Variants in RANBP2 observed in about 807,000 individuals in gnomAD.
RANBP2 encodes the protein E3 SUMO-protein ligase RanBP2.
Under a neutral mutation model 303.6 loss-of-function variants are expected in RANBP2, and 57 were observed. The ratio of observed to expected loss-of-function variants is 0.19; its 90% CI spans 0.15 to 0.23. RANBP2 has a LOEUF of 0.23. Among genes scored for constraint, RANBP2 ranks in the 10% least tolerant of loss-of-function variants. The pLI is 1.00. For synonymous variants in RANBP2, 1,167 were observed against 1,301.5 expected, an observed-to-expected ratio of 0.90 and a Z score of 2.23; for missense variants, 3,138 against 3,780.8, an observed-to-expected ratio of 0.83 and a Z score of 4.46.
chr2:109,431,275 A>G, the RANBP2 span, among the ~76,000 whole-genome samples: 1 of 152,192 alleles, frequency 6.6e-6, no homozygotes, highest in African/African-American at 2.4e-5. Flanking sequence ...TGTGAGGTCC[A>G]CCAGATCACT....
the RANBP2 span, chr2:108,839,283 G>C: frequency 6.2e-7 from 1 of 1,611,596 alleles, no homozygotes; most frequent in Non-Finnish European, 8.5e-7. Context: ...CCCTAAGGCA[G>C]CTAGATGCTG....
At chr2:109,170,217 TTTTTCTCTTCTCTTCTCTTCTTTTC>T in the RANBP2 span, among the ~76,000 whole-genome samples, 576 of 150,758 alleles carry the variant, frequency 3.8e-3, 15 homozygotes, top group African/African-American at 0.012. Context: ...TTCTCTCTCT[TTTTTCTCTTCTCTTCTCTTCTTTTC>T]TTTTCTCTTC....
the RANBP2 span, among the ~76,000 whole-genome samples, chr2:108,962,696 A>G: frequency 1.5e-3 from 227 of 148,310 alleles, 17 homozygotes; most frequent in Middle Eastern, 3.4e-3. Flanking sequence ...AAAAAAAAAA[A>G]AAAAAGAGAG....
chr2:109,527,643 G>T, the RANBP2 span, among the ~76,000 whole-genome samples: 1 of 152,152 alleles, frequency 6.6e-6, no homozygotes, highest in Non-Finnish European at 1.5e-5. Flanking sequence ...TTTTAGTCAC[G>T]TCAGGTGTTA....
the RANBP2 span, among the ~76,000 whole-genome samples, chr2:109,557,683 AAGG>A: frequency 6.6e-6 from 1 of 152,192 alleles, no homozygotes; most frequent in Non-Finnish European, 1.5e-5. Context: ...TATTTTTCAA[AAGG>A]TGGTAAAGAA....
the RANBP2 span, among the ~76,000 whole-genome samples, chr2:109,560,078 G>A: frequency 1.3e-5 from 2 of 151,862 alleles, no homozygotes; most frequent in South Asian, 4.2e-4. Context: ...CCGCCACCAC[G>A]CCCAGCTAAT....
chr2:109,485,058 A>G, the RANBP2 span, among the ~76,000 whole-genome samples: 1 of 152,256 alleles, frequency 6.6e-6, no homozygotes, highest in Non-Finnish European at 1.5e-5. Flanking sequence ...CAGCATGTGC[A>G]GGGTTCTGCA....
the RANBP2 span, among the ~76,000 whole-genome samples, chr2:109,061,662 T>A: frequency 6.6e-6 from 1 of 152,202 alleles, no homozygotes; most frequent in South Asian, 2.1e-4. Context: ...AGAAAAATAT[T>A]CCTCAGTTCA....
At chr2:109,574,315 A>G in the RANBP2 span, among the ~76,000 whole-genome samples, 1 of 151,780 alleles carries the variant, frequency 6.6e-6, no homozygotes, top group South Asian at 2.1e-4. Flanking sequence ...GTGTGGTAGT[A>G]CATGCCTATA....
the RANBP2 span, among the ~76,000 whole-genome samples, chr2:109,154,420 A>G: frequency 6.6e-6 from 1 of 152,206 alleles, no homozygotes; most frequent in Non-Finnish European, 1.5e-5. Flanking sequence ...ATTGTCTGCC[A>G]GTGTTGAAGC....
the RANBP2 span, among the ~76,000 whole-genome samples, chr2:108,926,930 T>C: frequency 6.6e-6 from 1 of 152,146 alleles, no homozygotes; most frequent in Non-Finnish European, 1.5e-5. Context: ...TGACACAGCG[T>C]GACAGCCTCG....
the RANBP2 span, among the ~76,000 whole-genome samples, chr2:108,853,976 A>T: frequency 1.1e-5 from 1 of 90,816 alleles, no homozygotes; most frequent in African/African-American, 4.3e-5. Flanking sequence ...AAATATATAT[A>T]ATATATAATA....
the RANBP2 span, among the ~76,000 whole-genome samples, chr2:109,149,049 C>A: frequency 6.6e-6 from 1 of 152,186 alleles, no homozygotes; most frequent in Non-Finnish European, 1.5e-5. Flanking sequence ...TTCATTTGCT[C>A]TTTCCTTCCT....
chr2:109,347,865 A>T, the RANBP2 span: 1 of 1,613,482 alleles, frequency 6.2e-7, no homozygotes, highest in South Asian at 1.1e-5. Context: ...AGCCCTTGCC[A>T]CACGCCCCGC....
chr2:109,055,972 C>T, the RANBP2 span, among the ~76,000 whole-genome samples: 2 of 151,892 alleles, frequency 1.3e-5, no homozygotes, highest in African/African-American at 2.4e-5. Context: ...CTTGGCCAGG[C>T]TGGTCTTGAA....
the RANBP2 span, chr2:109,432,552 G>A: frequency 1.2e-6 from 2 of 1,613,674 alleles, no homozygotes; most frequent in Non-Finnish European, 8.5e-7. Context: ...AGCTGGAGCT[G>A]CACAAGGGAG....
chr2:109,145,378 G>A, the RANBP2 span, among the ~76,000 whole-genome samples: 1 of 152,148 alleles, frequency 6.6e-6, no homozygotes, highest in African/African-American at 2.4e-5. Flanking sequence ...TGTGAGCCCT[G>A]CCCCTCTCTT....
chr2:108,732,960 A>G (rs1695292190), intron 4 of RANBP2, among the ~76,000 whole-genome samples: 1 of 152,042 alleles, frequency 6.6e-6, no homozygotes, highest in Admixed American at 6.6e-5. Context: ...GGTAGCTGGG[A>G]CTACAGGCAC....
At chr2:109,630,653 C>T in the RANBP2 span, among the ~76,000 whole-genome samples, 1 of 152,202 alleles carries the variant, frequency 6.6e-6, no homozygotes, top group Non-Finnish European at 1.5e-5. Flanking sequence ...CCCAGTCTCT[C>T]CTTTGTTTCC....
Sources: allele counts gnomAD v4.1 joint callset (sites outside exome capture counted in the v4.1 genomes callset), GRCh38; gene constraint gnomAD v4.1.1; transcripts MANE v1.5; gene names NCBI Gene and HGNC (gene_info 2026-07-23, HGNC 2026-07-21).